The following RPS6KC1 variants were observed in gnomAD, a reference collection of about 807,000 sequenced individuals.
RPS6KC1 encodes the protein inactive ribosomal protein S6 kinase delta-1.
A neutral mutation model predicts 103.8 loss-of-function variants in RPS6KC1; 54 were observed. That is an observed-to-expected ratio of 0.52 (90% CI 0.42 to 0.65). RPS6KC1 has a LOEUF of 0.65. RPS6KC1 is among the 30% of genes least tolerant of loss of function. The pLI, the probability that RPS6KC1 is intolerant of heterozygous loss-of-function variation, is 0.00. For synonymous variants in RPS6KC1, 439 were observed against 438.7 expected (o/e 1.00, Z -0.01); for missense variants, 1,151 against 1,253.8 (o/e 0.92, Z 1.24).
intron 5 of RPS6KC1, among the ~76,000 whole-genome samples, chr1:213,121,612 G>A (rs1174023865): frequency 6.6e-5 from 10 of 152,140 alleles, no homozygotes. Context: ...TATCAGTTGA[G>A]CTCCTTGACA....
At chr1:213,157,237 A>G (rs2089989692) in intron 6 of RPS6KC1, among the ~76,000 whole-genome samples, 1 of 149,818 alleles carries the variant, frequency 6.7e-6, no homozygotes, top group Non-Finnish European at 1.5e-5. Flanking sequence ...TTTTTGAGAC[A>G]GAGTCTTGCC....
the RPS6KC1 span, among the ~76,000 whole-genome samples, chr1:213,554,632 A>G: frequency 2.0e-3 from 311 of 152,124 alleles, 2 homozygotes; most frequent in African/African-American, 7.4e-3. Context: ...TTCTATCTCC[A>G]TGTTGCGTGT....
At chr1:213,335,694 A>C in the RPS6KC1 span, among the ~76,000 whole-genome samples, 3 of 152,222 alleles carry the variant, frequency 2.0e-5, no homozygotes, top group African/African-American at 7.2e-5. Context: ...ATGGGGAAAT[A>C]TAGGTTTTAT....
At chr1:213,826,947 T>G in the RPS6KC1 span, among the ~76,000 whole-genome samples, 3 of 152,302 alleles carry the variant, frequency 2.0e-5, no homozygotes, top group South Asian at 2.1e-4. Flanking sequence ...CTTCTAGTAG[T>G]CATTCTCCCA....
chr1:213,859,064 C>T, the RPS6KC1 span, among the ~76,000 whole-genome samples: 1 of 152,118 alleles, frequency 6.6e-6, no homozygotes, highest in East Asian at 1.9e-4. Context: ...AGAAGATGAC[C>T]ATGTTTATGC....
At chr1:213,482,528 A>T in the RPS6KC1 span, among the ~76,000 whole-genome samples, 1 of 132,424 alleles carries the variant, frequency 7.6e-6, no homozygotes, top group Non-Finnish European at 1.6e-5. Context: ...TTTTTTTTCA[A>T]CCTAACTTGA....
chr1:213,152,702 C>T (rs1311412988), intron 6 of RPS6KC1, among the ~76,000 whole-genome samples: 82 of 151,826 alleles, frequency 5.4e-4, no homozygotes, highest in East Asian at 3.1e-3. Context: ...CAGAGGTGCT[C>T]CTCACTTCCT....
At chr1:213,486,066 T>A in the RPS6KC1 span, among the ~76,000 whole-genome samples, 1 of 152,198 alleles carries the variant, frequency 6.6e-6, no homozygotes, top group East Asian at 1.9e-4. Flanking sequence ...TAAACATGCA[T>A]GAGTTCACTC....
At chr1:213,805,441 C>T in the RPS6KC1 span, among the ~76,000 whole-genome samples, 1 of 152,218 alleles carries the variant, frequency 6.6e-6, no homozygotes, top group African/African-American at 2.4e-5. Context: ...ACGGCATCTT[C>T]ACCAGGAGTA....
At chr1:213,843,808 T>C in the RPS6KC1 span, among the ~76,000 whole-genome samples, 1 of 152,206 alleles carries the variant, frequency 6.6e-6, no homozygotes, top group African/African-American at 2.4e-5. Context: ...TCTTCCTTTT[T>C]CCTTTCTTTT....
the RPS6KC1 span, among the ~76,000 whole-genome samples, chr1:213,341,196 C>T: frequency 2.0e-5 from 3 of 152,284 alleles, no homozygotes; most frequent in African/African-American, 4.8e-5. Context: ...TTTATCTTCA[C>T]GGCTCTCAGA....
At chr1:213,289,048 G>C in the RPS6KC1 span, among the ~76,000 whole-genome samples, 1 of 152,042 alleles carries the variant, frequency 6.6e-6, no homozygotes, top group Non-Finnish European at 1.5e-5. Flanking sequence ...ATGCTGGTCT[G>C]TGAGCCCCCT....
At chr1:213,267,856 A>G (rs1165630800) in intron 14 of RPS6KC1, among the ~76,000 whole-genome samples, 1 of 151,950 alleles carries the variant, frequency 6.6e-6, no homozygotes, top group African/African-American at 2.4e-5. Flanking sequence ...GAATAAATGA[A>G]CTTAAATTAA....
chr1:213,084,938 T>C lies in RPS6KC1; in HGVS notation c.262+7122T>C, dbSNP rs148202785. ...GTCTGTCTGCCCCTTATTAGTGATATGAATTTGTGTCACCTGGTCAAGGTA... is the reference window on the plus strand; with the variant it reads ...GTCTGTCTGCCCCTTATTAGTGATACGAATTTGTGTCACCTGGTCAAGGTA... On this transcript the variant is annotated intron_variant, in intron 3 of 14. Transcript: ENST00000366960. 3.2e-4 allele frequency among the ~76,000 whole-genome samples: 48 copies of C among 152,342 alleles called. No homozygotes were observed. In the East Asian group the frequency reaches 7.9e-3, roughly 25 times the overall value.
chr1:213,343,435 A>AG, the RPS6KC1 span, among the ~76,000 whole-genome samples: 1 of 82,224 alleles, frequency 1.2e-5, no homozygotes, highest in Non-Finnish European at 2.7e-5. Context: ...ATATATATAT[A>AG]TATATACATA....
At chr1:213,494,952 A>G in the RPS6KC1 span, among the ~76,000 whole-genome samples, 34 of 150,784 alleles carry the variant, frequency 2.3e-4, 1 homozygote, top group East Asian at 6.6e-3. Context: ...CTACAAAGAA[A>G]AGTAATCTTG....
At chr1:213,260,837 A>T (rs180723266) in intron 12 of RPS6KC1, among the ~76,000 whole-genome samples, 94 of 152,174 alleles carry the variant, frequency 6.2e-4, no homozygotes, top group Admixed American at 1.2e-3. Flanking sequence ...TGAAAACTCA[A>T]ATTACATTTC....
the RPS6KC1 span, among the ~76,000 whole-genome samples, chr1:213,606,750 A>G: frequency 6.6e-6 from 1 of 152,206 alleles, no homozygotes; most frequent in Non-Finnish European, 1.5e-5. Flanking sequence ...TGTCAGAGGC[A>G]TGTTTGAGAC....
chr1:213,068,506 AAAAG>A (rs2078549825), intron 1 of RPS6KC1, among the ~76,000 whole-genome samples: 1 of 150,864 alleles, frequency 6.6e-6, no homozygotes, highest in Admixed American at 6.6e-5. Flanking sequence ...AAAAAAAAAA[AAAAG>A]AAACACTTAT....
Sources: allele counts gnomAD v4.1 joint callset (sites outside exome capture counted in the v4.1 genomes callset), GRCh38; gene constraint gnomAD v4.1.1; transcripts MANE v1.5; gene names NCBI Gene and HGNC (gene_info 2026-07-23, HGNC 2026-07-21).